The following GPRC5B variants were observed in gnomAD, a reference collection of about 807,000 sequenced individuals.
The protein encoded by GPRC5B is G protein-coupled receptor family C group 5 member B.
A neutral mutation model predicts 30.1 loss-of-function variants in GPRC5B; 16 were observed. The observed-to-expected ratio is 0.53, with a 90% CI of 0.36 to 0.81. The LOEUF is 0.81. GPRC5B is among the 30% of genes least tolerant of loss of function. The pLI is 0.01. For missense variants in GPRC5B, 428 were observed against 544.7 expected (o/e 0.79, Z 2.13); for synonymous variants, 241 against 239.5 (o/e 1.01, Z -0.06).
At position 19,872,823 on chromosome 16, in the gene GPRC5B, T is replaced by C; in HGVS notation, c.23A>G (p.Lys8Arg). 3.1e-6 allele frequency: 5 copies of C among 1,612,688 alleles called. No homozygotes were observed. The highest frequency in any genetic ancestry group is 4.2e-6 in the Non-Finnish European group (5 of 1,179,060). The change falls in exon 2 of 4, where the codon AAG (lysine) becomes AGG (arginine). Residue 8 changes from lysine to arginine, a missense_variant. By Grantham distance (26) the Lys-to-Arg change is conservative (BLOSUM62 2). Coordinates refer to ENST00000300571, the MANE Select transcript of GPRC5B (RefSeq NM_016235.3). This position sits in a 1 kb window ranked among gnomAD's most constrained non-coding sequence, Gnocchi z 5.0. MFVASER[K>R]MRAHQVLTFL... ...GGTGAGCACCTGGTGAGCTCTCATC[T>C]TTCTCTCTGATGCCACGAACATTCT...
At chr16:19,869,115 G>C (rs1442861560) in intron 2 of GPRC5B, among the ~76,000 whole-genome samples, 1 of 152,084 alleles carries the variant, frequency 6.6e-6, no homozygotes, top group African/African-American at 2.4e-5. Context: ...GATCACATGA[G>C]GTCAGGAGTT....
intron 3 of GPRC5B, among the ~76,000 whole-genome samples, chr16:19,861,298 T>A (rs975171412): frequency 1.3e-5 from 2 of 152,196 alleles, no homozygotes; most frequent in African/African-American, 4.8e-5. Flanking sequence ...GAGGCAAACG[T>A]AAACAATGAC....
At chr16:19,870,199 A>G (rs2056704173) in intron 2 of GPRC5B, among the ~76,000 whole-genome samples, 1 of 152,200 alleles carries the variant, frequency 6.6e-6, no homozygotes, top group South Asian at 2.1e-4. Context: ...GAGGATTCCC[A>G]GCACAAATGA....
upstream of GPRC5B, chr16:19,885,439 C>T (rs1347041392): frequency 1.8e-6 from 2 of 1,137,186 alleles, no homozygotes; most frequent in African/African-American, 1.7e-5. This position sits in a 1 kb window ranked among gnomAD's most constrained non-coding sequence, Gnocchi z 5.3. Context: ...ACACACTCTT[C>T]TCTCTCCTCA....
chr16:19,869,771 G>A (rs2056698745), intron 2 of GPRC5B, among the ~76,000 whole-genome samples: 1 of 152,090 alleles, frequency 6.6e-6, no homozygotes, highest in Non-Finnish European at 1.5e-5. Context: ...AATTATAGGG[G>A]ATGTTAATAA....
At chr16:19,869,742 T>C (rs1448609007) in intron 2 of GPRC5B, among the ~76,000 whole-genome samples, 1 of 152,024 alleles carries the variant, frequency 6.6e-6, no homozygotes, top group Non-Finnish European at 1.5e-5. Flanking sequence ...TGATGATACT[T>C]ATCCACCCCA....
chr16:19,867,499 A>T (rs1265936413), intron 2 of GPRC5B, among the ~76,000 whole-genome samples: 2 of 152,212 alleles, frequency 1.3e-5, no homozygotes, highest in African/African-American at 4.8e-5. Context: ...TACACTGTAA[A>T]GGCCATGATA....
chr16:19,867,981 C>T (rs1158346687), intron 2 of GPRC5B, among the ~76,000 whole-genome samples: 9 of 151,986 alleles, frequency 5.9e-5, no homozygotes, highest in Admixed American at 1.3e-4. Flanking sequence ...GCAGGAGAAT[C>T]GCTTGAACCC....
chr16:19,860,365 T>C lies in GPRC5B; in HGVS notation c.*135A>G. ...TGTTCACATTTACACGAAATCCCCT[T>C]GGCTAGGATTTCCAAATTTCCTGGC... On this transcript the variant is annotated 3_prime_UTR_variant, in exon 4 of 4. Transcript: ENST00000300571. The C allele has an allele frequency of 4.7e-6, 3 of 632,528 alleles. 1 individual carries two copies. The highest frequency in any genetic ancestry group is 8.5e-6 in the Non-Finnish European group (3 of 353,268). 39.2% of individuals were successfully genotyped at this position (632,528 alleles called of 1,614,324 possible).
chr16:19,864,911 ATT>A (rs1163249399), intron 2 of GPRC5B, among the ~76,000 whole-genome samples: 2,427 of 125,990 alleles, frequency 0.019, 55 homozygotes, highest in African/African-American at 0.063. Context: ...GCCCGGTCTC[ATT>A]TTTTTTTTTT....
intron 3 of GPRC5B, among the ~76,000 whole-genome samples, 182 bp downstream of exon 3, chr16:19,861,655 G>T (rs1366334083): frequency 4.6e-5 from 7 of 152,192 alleles, no homozygotes; most frequent in African/African-American, 1.7e-4. Flanking sequence ...GGTATTCTGT[G>T]TGTGGAGAAA....
chr16:19,885,204 G>C, upstream of GPRC5B: 1 of 1,288,024 alleles, frequency 7.8e-7, no homozygotes. The surrounding 1 kb of genome is among the most constrained non-coding windows in gnomAD (Gnocchi z 5.3). Flanking sequence ...TACACTTACC[G>C]AGGGAGGTAT....
intron 1 of GPRC5B, among the ~76,000 whole-genome samples, chr16:19,881,852 C>T (rs1271287738): frequency 1.3e-5 from 2 of 152,212 alleles, no homozygotes; most frequent in Non-Finnish European, 2.9e-5. Context: ...GAAAATTGGC[C>T]AGAGGTTCAC....
rs1307026054 is a variant in GPRC5B, at chr16:19,862,058, C to T, written c.1031-85G>A. 4.3e-5 allele frequency: 56 copies of T among 1,299,412 alleles called. 1 individual carries two copies. The highest frequency in any genetic ancestry group is 4.1e-4 in the East Asian group (17 of 41,426). The allele number at this position is 1,299,412 out of a possible 1,614,324, so 80.5% of individuals were successfully genotyped here. On this transcript the variant is annotated intron_variant, in intron 2 of 3. Coordinates refer to ENST00000300571, the MANE Select transcript of GPRC5B (RefSeq NM_016235.3). The stretch of plus-strand genomic sequence containing the variant: ...CTTCCCCTGCAACAACAGCGCGCTC[C>T]GGGCACCCCCATCCACCCAACCCAG...
upstream of GPRC5B, chr16:19,885,309 A>T: frequency 8.0e-7 from 1 of 1,252,272 alleles, no homozygotes; most frequent in Non-Finnish European, 1.0e-6. This position sits in a 1 kb window ranked among gnomAD's most constrained non-coding sequence, Gnocchi z 5.3. Context: ...ACACACCAGC[A>T]CCAGGTCCAG....
chr16:19,857,233 G>A lies in GPRC5B; in HGVS notation c.*3267C>T, dbSNP rs2056573247. On this transcript the variant is annotated 3_prime_UTR_variant, in exon 4 of 4. Transcript: ENST00000300571. ...TAAAATGCCACAGACCGACCCTCAAGGCAGATCCGAAAGCCTAGTAGTTAG... is the reference window on the plus strand; with the variant it reads ...TAAAATGCCACAGACCGACCCTCAAAGCAGATCCGAAAGCCTAGTAGTTAG... 6.7e-6 allele frequency: 2 copies of A among 297,008 alleles called. No individual in the cohort carries two copies. Among genetic ancestry groups the A allele is most frequent in the African/African-American group, 4.6e-5 (2 of 43,324 alleles). The allele number at this position is 297,008 out of a possible 1,614,324, so 18.4% of individuals were successfully genotyped here.
Position 19,857,853 on chromosome 16 carries a change from A to G in GPRC5B, c.*2647T>C, listed in dbSNP as rs1426869207. The G allele has an allele frequency of 1.3e-5, 2 of 153,774 alleles. No individual in the cohort carries two copies. Among genetic ancestry groups the G allele is most frequent in the East Asian group, 1.9e-4 (1 of 5,256 alleles). The allele number at this position is 153,774 out of a possible 1,614,324, so 9.5% of individuals were successfully genotyped here. A position where few individuals can be genotyped will look rare whatever the true frequency, so the allele number is the denominator to read the frequency against. On this transcript the variant is annotated 3_prime_UTR_variant, in exon 4 of 4. Coordinates refer to ENST00000300571, the MANE Select transcript of GPRC5B (RefSeq NM_016235.3). ...AACTTCCCAGTTTGTAAGCTGTCAG[A>G]GCTGACTCCCTTCTCTTCCCACCCT...
rs745884320 is a variant in GPRC5B at position 19,861,086 on chromosome 16, A to AT, written c.1168-543dup. ...AGATCAAAGACCATCCCTGATTTAC[A>AT]TAAAAAAAAAAAAAAAAAGAAGAAT... is the stretch of plus-strand genomic sequence containing the variant. On this transcript the variant is annotated intron_variant, in intron 3 of 3. Coordinates refer to ENST00000300571, the MANE Select transcript of GPRC5B (RefSeq NM_016235.3). Among the ~76,000 whole-genome samples the AT allele has an allele frequency of 7.0e-5, 10 of 142,146 alleles. No individual in the cohort carries two copies. In the East Asian group the frequency reaches 1.0e-3, roughly 15 times the overall value. 93.3% of individuals were successfully genotyped at this position (142,146 alleles called of 152,430 possible). A position where few individuals can be genotyped will look rare whatever the true frequency, so the allele number is the denominator to read the frequency against.
intron 1 of GPRC5B, among the ~76,000 whole-genome samples, chr16:19,879,951 A>G (rs951013893): frequency 6.6e-6 from 1 of 151,932 alleles, no homozygotes; most frequent in Admixed American, 6.6e-5. Flanking sequence ...CCTGGGCAAC[A>G]TAGTGAAACC....
Sources: allele counts gnomAD v4.1 joint callset (sites outside exome capture counted in the v4.1 genomes callset), GRCh38; gene constraint gnomAD v4.1.1; non-coding constraint Gnocchi (gnomAD v3.1); transcripts MANE v1.5; gene names NCBI Gene and HGNC (gene_info 2026-07-23, HGNC 2026-07-21).